LEKR1: variants seen among roughly 807,000 people sequenced by gnomAD.
LEKR1 encodes the protein protein LEKR1.
LEKR1 carries 59 observed loss-of-function variants against 72.4 expected under a neutral mutation model. The ratio of observed to expected loss-of-function variants is 0.82; its 90% confidence interval spans 0.66 to 1.01. LEKR1 has a LOEUF of 1.01. Ranked by LOEUF, LEKR1 falls within the 50% of genes least tolerant of loss-of-function variation. The probability of loss-of-function intolerance (pLI) is 0.00; values close to 1 mark genes in which losing one functional copy is unlikely to be tolerated. For missense variants in LEKR1, 728 were observed against 759.2 expected (o/e 0.96, Z 0.48); for synonymous variants, 257 against 263.2 (o/e 0.98, Z 0.23).
At chr3:156,984,474 C>T (rs1396656217) in intron 7 of LEKR1, among the ~76,000 whole-genome samples, 2 of 152,126 alleles carry the variant, frequency 1.3e-5, no homozygotes, top group Admixed American at 6.5e-5. Flanking sequence ...GTCAGGAGTT[C>T]GAGACCAGCC....
At chr3:156,839,410 A>G (rs1713597569) in intron 2 of LEKR1, among the ~76,000 whole-genome samples, 1 of 152,234 alleles carries the variant, frequency 6.6e-6, no homozygotes, top group African/African-American at 2.4e-5. Context: ...ATTCTTATAG[A>G]AAAAGCTGTG....
At chr3:156,955,872 G>A (rs1378375802) in intron 6 of LEKR1, among the ~76,000 whole-genome samples, 2 of 151,070 alleles carry the variant, frequency 1.3e-5, no homozygotes, top group Non-Finnish European at 3.0e-5. Flanking sequence ...GGATGATGCT[G>A]GTTCTTATGG....
rs112663940 is a variant in LEKR1 at position 156,997,145 on chromosome 3, C to T, written c.1109+3868C>T. 1.5e-3 allele frequency among the ~76,000 whole-genome samples: 225 copies of T among 151,754 alleles called. 1 individual carries two copies. Among genetic ancestry groups the T allele is most frequent in the African/African-American group, 5.2e-3 (217 of 41,434 alleles). On this transcript the variant is annotated intron_variant, in intron 9 of 12. Transcript: ENST00000356539. Reference sequence around the variant, plus strand: ...ATTACTGTCCTAACTTGTCTTGAAACGGTGGTCTTTTGGCTCCAGGGCAAC... The same window carrying T: ...ATTACTGTCCTAACTTGTCTTGAAATGGTGGTCTTTTGGCTCCAGGGCAAC...
chr3:156,868,021 A>G (rs1217043520), intron 3 of LEKR1, among the ~76,000 whole-genome samples: 2 of 152,086 alleles, frequency 1.3e-5, no homozygotes, highest in African/African-American at 4.8e-5. Flanking sequence ...AAATGGCAAC[A>G]GTGTAACTCT....
chr3:157,013,903 G>T (rs922989168), intron 10 of LEKR1, among the ~76,000 whole-genome samples: 1 of 152,042 alleles, frequency 6.6e-6, no homozygotes, highest in Admixed American at 6.6e-5. Context: ...CAAAAAAGTA[G>T]ATAGCAATTT....
chr3:156,966,387 AG>A (rs1728590342), intron 6 of LEKR1, among the ~76,000 whole-genome samples: 1 of 152,180 alleles, frequency 6.6e-6, no homozygotes, highest in Non-Finnish European at 1.5e-5. Context: ...AGTAAAAGAA[AG>A]GGGTGACAGA....
At chr3:157,023,052 T>C (rs1452761856) in intron 10 of LEKR1, among the ~76,000 whole-genome samples, 1 of 152,158 alleles carries the variant, frequency 6.6e-6, no homozygotes, top group East Asian at 1.9e-4. Context: ...CCTTTAACTT[T>C]CTTAGCAATA....
chr3:156,876,423 G>A (rs1004428516), intron 3 of LEKR1, among the ~76,000 whole-genome samples: 2 of 152,200 alleles, frequency 1.3e-5, no homozygotes, highest in African/African-American at 4.8e-5. Flanking sequence ...GCTTTTGGCA[G>A]TATGGTCATT....
chr3:156,832,286 G>A (rs1395080152), intron 2 of LEKR1, among the ~76,000 whole-genome samples: 1 of 152,194 alleles, frequency 6.6e-6, no homozygotes, highest in Non-Finnish European at 1.5e-5. Context: ...AAGGGATACA[G>A]GTGAATGACC....
chr3:156,932,150 G>C (rs1399903024), intron 5 of LEKR1, among the ~76,000 whole-genome samples: 1 of 152,034 alleles, frequency 6.6e-6, no homozygotes, highest in Non-Finnish European at 1.5e-5. Context: ...AGAAAATATA[G>C]TAAAATATTA....
intron 4 of LEKR1, chr3:156,925,044 A>G (rs1724577507): frequency 6.6e-6 from 1 of 152,116 alleles, no homozygotes; most frequent in African/African-American, 2.4e-5. Context: ...CTACCTTAAA[A>G]TTTTTGTATC....
chr3:156,978,441 CTTAT>C (rs2107998222), intron 6 of LEKR1, among the ~76,000 whole-genome samples: 1 of 152,262 alleles, frequency 6.6e-6, no homozygotes, highest in Non-Finnish European at 1.5e-5. Flanking sequence ...TCCATTATAA[CTTAT>C]TCTCAAAAAG....
intron 4 of LEKR1, among the ~76,000 whole-genome samples, chr3:156,926,381 AAATTACT>A (rs1286055424): frequency 6.6e-6 from 1 of 152,060 alleles, no homozygotes; most frequent in Admixed American, 6.6e-5. Flanking sequence ...ACTGATTACC[AAATTACT>A]AATTACTAAT....
intron 5 of LEKR1, among the ~76,000 whole-genome samples, chr3:156,930,396 G>A (rs769254734): frequency 4.0e-5 from 6 of 151,744 alleles, no homozygotes; most frequent in African/African-American, 7.2e-5. Flanking sequence ...TATTTTGTGG[G>A]GCTTATAAAG....
chr3:156,933,253 C>A (rs987346913), intron 5 of LEKR1, among the ~76,000 whole-genome samples: 2 of 152,028 alleles, frequency 1.3e-5, no homozygotes, highest in African/African-American at 4.8e-5. Context: ...TGCATCATTT[C>A]CATTATTTAA....
At chr3:156,840,169 A>G (rs1713718751) in intron 2 of LEKR1, among the ~76,000 whole-genome samples, 2 of 152,342 alleles carry the variant, frequency 1.3e-5, no homozygotes, top group South Asian at 4.1e-4. Context: ...TGTTTATATT[A>G]TCAGCAAGGC....
At chr3:156,869,600 A>G (rs969931714) in intron 3 of LEKR1, among the ~76,000 whole-genome samples, 7 of 150,640 alleles carry the variant, frequency 4.6e-5, no homozygotes, top group Admixed American at 2.6e-4. Context: ...TATATTGTGG[A>G]TATTACTCCC....
chr3:156,965,647 T>C (rs1728499883), intron 6 of LEKR1, among the ~76,000 whole-genome samples: 1 of 152,172 alleles, frequency 6.6e-6, no homozygotes, highest in Admixed American at 6.5e-5. Context: ...ATGCAGGAAA[T>C]GTTAAATGTA....
chr3:156,855,944 C>T (rs1271836809), intron 3 of LEKR1, among the ~76,000 whole-genome samples: 1 of 152,040 alleles, frequency 6.6e-6, no homozygotes, highest in African/African-American at 2.4e-5. Flanking sequence ...ACCCCCTTAG[C>T]CTGATGAAGG....
Sources: allele counts gnomAD v4.1 joint callset (sites outside exome capture counted in the v4.1 genomes callset), GRCh38; gene constraint gnomAD v4.1.1; transcripts MANE v1.5; gene names NCBI Gene and HGNC (gene_info 2026-07-23, HGNC 2026-07-21).